Variants in VPS41 observed in about 807,000 individuals in gnomAD.
VPS41 encodes the protein VPS41 subunit of HOPS complex, also known as vacuolar protein sorting-associated protein 41 homolog.
Under a neutral mutation model 130.9 loss-of-function variants are expected in VPS41, and 85 were observed. The ratio of observed to expected loss-of-function variants is 0.65; its 90% CI spans 0.55 to 0.78. The LOEUF (loss-of-function observed/expected upper bound fraction) is 0.78. Ranked by LOEUF, VPS41 falls within the 30% of genes least tolerant of loss-of-function variation. VPS41 has a pLI of 0.00. For synonymous variants in VPS41, 335 were observed against 332.9 expected (o/e 1.01, Z -0.07); for missense variants, 874 against 1,018.7 (o/e 0.86, Z 1.93).
intron 4 of VPS41, among the ~76,000 whole-genome samples, chr7:38,843,639 A>C (rs1186470680): frequency 6.6e-6 from 1 of 151,558 alleles, no homozygotes; most frequent in East Asian, 1.9e-4. Context: ...CCGAGATAGC[A>C]CCACTGCAGT....
chr7:38,855,371 CCA>C, intron 4 of VPS41, among the ~76,000 whole-genome samples: 1 of 152,106 alleles, frequency 6.6e-6, no homozygotes, highest in South Asian at 2.1e-4. Flanking sequence ...GGGTGATCCT[CCA>C]GACACTCATA....
At chr7:38,793,371 C>T (rs1784568092) in intron 9 of VPS41, among the ~76,000 whole-genome samples, 2 of 152,152 alleles carry the variant, frequency 1.3e-5, no homozygotes, top group Non-Finnish European at 2.9e-5. Context: ...AGATTGCTGT[C>T]CCTCTGAAGA....
At chr7:38,856,115 C>T (rs1019738602) in intron 4 of VPS41, among the ~76,000 whole-genome samples, 7 of 152,170 alleles carry the variant, frequency 4.6e-5, no homozygotes, top group Non-Finnish European at 1.0e-4. Context: ...CTAATCTCAT[C>T]TTGAGGACTC....
In VPS41 at chr7:38,758,678, G is replaced by A. The variant is rs891603405; in HGVS notation, c.1423-197C>T. 2.0e-5 allele frequency among the ~76,000 whole-genome samples: 3 copies of A among 152,166 alleles called. No homozygotes were observed. In the East Asian group the frequency reaches 5.8e-4, roughly 29 times the overall value. On this transcript the variant is annotated intron_variant, in intron 17 of 28. Coordinates refer to ENST00000310301, the MANE Select transcript of VPS41 (RefSeq NM_014396.4). The stretch of plus-strand genomic sequence containing the variant: ...AGCAGCCCCTAGGTAACTTAAGGAT[G>A]GGGTTGGGCACAGGATAGACTGAGA...
At chr7:38,880,801 T>G (rs1008521912) in intron 2 of VPS41, among the ~76,000 whole-genome samples, 7 of 152,236 alleles carry the variant, frequency 4.6e-5, no homozygotes, top group African/African-American at 1.7e-4. Context: ...GAGACAGGAA[T>G]GCCTTAAAGC....
intron 16 of VPS41, among the ~76,000 whole-genome samples, chr7:38,764,177 TAA>T (rs1421351304): frequency 6.6e-6 from 1 of 152,148 alleles, no homozygotes; most frequent in Non-Finnish European, 1.5e-5. Context: ...TATTGTGTGG[TAA>T]GTGTTATAAC....
chr7:38,863,251 G>T (rs1213036028), intron 3 of VPS41, among the ~76,000 whole-genome samples: 2 of 152,138 alleles, frequency 1.3e-5, no homozygotes, highest in Non-Finnish European at 2.9e-5. Flanking sequence ...CTCATTTTAT[G>T]TCGTAAGTCC....
chr7:38,828,202 A>G (rs556339856), intron 5 of VPS41, among the ~76,000 whole-genome samples: 20 of 152,236 alleles, frequency 1.3e-4, no homozygotes, highest in Admixed American at 1.3e-3. Context: ...ACTTATCCTA[A>G]AAGTTTTCTA....
intron 7 of VPS41, among the ~76,000 whole-genome samples, chr7:38,808,596 T>C (rs1199968777): frequency 6.6e-6 from 1 of 152,194 alleles, no homozygotes; most frequent in African/African-American, 2.4e-5. Flanking sequence ...AGCCTTAATT[T>C]TAATTCTTAA....
chr7:38,795,122 A>C (rs1293137286), intron 9 of VPS41, among the ~76,000 whole-genome samples: 1 of 151,996 alleles, frequency 6.6e-6, no homozygotes, highest in Non-Finnish European at 1.5e-5. Flanking sequence ...AATGAAAAGA[A>C]TAATAAAGAG....
chr7:38,848,624 T>TCC (rs1785778693), intron 4 of VPS41, among the ~76,000 whole-genome samples: 1 of 152,222 alleles, frequency 6.6e-6, no homozygotes, highest in South Asian at 2.1e-4. Flanking sequence ...CATATAATTC[T>TCC]CAAAACCATC....
chr7:38,795,682 TG>T (rs772408075), intron 8 of VPS41, 71 bp from the exon 9 acceptor site: 17 of 1,350,120 alleles, frequency 1.3e-5, no homozygotes, highest in Non-Finnish European at 1.7e-5. Flanking sequence ...TAACAGCCCC[TG>T]CTACATACTA....
intron 17 of VPS41, among the ~76,000 whole-genome samples, chr7:38,760,730 T>C (rs958686327): frequency 8.5e-5 from 13 of 152,222 alleles, no homozygotes; most frequent in African/African-American, 2.9e-4. Flanking sequence ...TAAAGTCGAT[T>C]GAGATCTGTC....
At chr7:38,743,769 A>G (rs1795932098) in intron 23 of VPS41, among the ~76,000 whole-genome samples, 1 of 152,156 alleles carries the variant, frequency 6.6e-6, no homozygotes, top group Non-Finnish European at 1.5e-5. Context: ...CATATAAATG[A>G]CATCATATAA....
At chr7:38,792,906 C>T (rs1296244363) in intron 9 of VPS41, among the ~76,000 whole-genome samples, 1 of 152,162 alleles carries the variant, frequency 6.6e-6, no homozygotes, top group Admixed American at 6.5e-5. Context: ...CTCAAAAGCA[C>T]ACCAATCACA....
chr7:38,905,783 G>T (rs925429562), intron 1 of VPS41, among the ~76,000 whole-genome samples: 6 of 151,842 alleles, frequency 4.0e-5, no homozygotes, highest in Non-Finnish European at 7.4e-5. Context: ...CATTTTTGGG[G>T]GTTTTTTTGT....
At chr7:38,860,723 G>A (rs955361004) in intron 4 of VPS41, among the ~76,000 whole-genome samples, 1 of 151,660 alleles carries the variant, frequency 6.6e-6, no homozygotes, top group Non-Finnish European at 1.5e-5. Context: ...GTGTGTGTGT[G>A]TGTGTGTGTG....
At chr7:38,890,873 AC>A (rs1462705844) in intron 2 of VPS41, among the ~76,000 whole-genome samples, 22 of 152,066 alleles carry the variant, frequency 1.4e-4, no homozygotes, top group African/African-American at 4.8e-4. Flanking sequence ...TTTTGTAGAG[AC>A]GGGGTCTCAC....
chr7:38,837,155 G>A (rs966304572), intron 4 of VPS41, among the ~76,000 whole-genome samples: 4 of 152,186 alleles, frequency 2.6e-5, no homozygotes, highest in African/African-American at 9.6e-5. Flanking sequence ...GTAATAGACA[G>A]GAACATCTTA....
Sources: allele counts gnomAD v4.1 joint callset (sites outside exome capture counted in the v4.1 genomes callset), GRCh38; gene constraint gnomAD v4.1.1; transcripts MANE v1.5; gene names NCBI Gene and HGNC (gene_info 2026-07-23, HGNC 2026-07-21).